ARHGEF3: variants seen among roughly 807,000 people sequenced by gnomAD.
ARHGEF3 encodes the protein Rho guanine nucleotide exchange factor 3, also known as 59.8 kDA protein.
Under a neutral mutation model 63.2 loss-of-function variants are expected in ARHGEF3, and 28 were observed. That is an observed-to-expected ratio of 0.44 (90% confidence interval 0.33 to 0.61). ARHGEF3 has a LOEUF of 0.61. ARHGEF3 is among the 20% of genes least tolerant of loss of function. The pLI, the probability that ARHGEF3 is intolerant of heterozygous loss-of-function variation, is 0.03. For synonymous variants in ARHGEF3, 266 were observed against 254.2 expected (o/e 1.05, Z -0.44); for missense variants, 533 against 659.3 (o/e 0.81, Z 2.10).
intron 2 of ARHGEF3, among the ~76,000 whole-genome samples, chr3:56,964,592 T>C (rs1700413750): frequency 1.3e-5 from 2 of 152,194 alleles, no homozygotes; most frequent in African/African-American, 2.4e-5. Context: ...AGATCAGCAG[T>C]GGACAAGAAA....
At chr3:56,884,712 C>T (rs1432685277) in intron 3 of ARHGEF3, among the ~76,000 whole-genome samples, 1 of 152,230 alleles carries the variant, frequency 6.6e-6, no homozygotes. Flanking sequence ...GGCACAGCTG[C>T]CGTTTTTGAG....
intron 1 of ARHGEF3, among the ~76,000 whole-genome samples, chr3:57,065,002 T>C (rs190765373): frequency 1.3e-5 from 2 of 152,354 alleles, no homozygotes; most frequent in African/African-American, 2.4e-5. Flanking sequence ...AGAAAATTAT[T>C]TCAAAAAGTT....
chr3:56,860,049 T>C (rs1174002871), intron 4 of ARHGEF3, among the ~76,000 whole-genome samples: 7 of 151,392 alleles, frequency 4.6e-5, no homozygotes, highest in Non-Finnish European at 7.4e-5. Context: ...GAGAGATAGA[T>C]AGATAGATAG....
rs1199937697 is a variant in ARHGEF3 at position 56,745,322 on chromosome 3, A to G, written c.753T>C (p.Asp251=). ...CLESPFSRKL[D]LWNFLDIPRS... is the part of the protein sequence containing the mutation. ...TTGGAATATCGAGGAAATTCCAGAG[A>G]TCTAGTTTGCGGCTAAAGGGGGATT... The change falls in exon 7 of 10, where the codon GAT becomes GAC. Residue 251 remains aspartate (D), a synonymous_variant. Transcript: ENST00000296315. 1 of 1,613,918 alleles carries G rather than the reference A, an allele frequency of 6.2e-7. No homozygotes were observed. The highest frequency in any genetic ancestry group is 1.3e-5 in the African/African-American group (1 of 74,868).
At position 56,737,239 on chromosome 3, in the gene ARHGEF3, G is replaced by A. The variant is rs752342971; in HGVS notation, c.987C>T (p.Ile329=). ...YLEEGQKDSL[I]DSSRVLCCHG... is the part of the protein sequence containing the mutation. ...GACAACACAAGACTCGAGAGCTGTC[G>A]ATCAGGGAGTCTTTCTGGCCTTCTT... is the stretch of plus-strand genomic sequence containing the variant. The change falls in exon 8 of 10, where the codon ATC becomes ATT. Residue 329 remains isoleucine (I), a synonymous_variant. Coordinates refer to ENST00000296315, the MANE Select transcript of ARHGEF3 (RefSeq NM_019555.3). The A allele has an allele frequency of 2.3e-5, 37 of 1,614,048 alleles. No individual in the cohort carries two copies. Among genetic ancestry groups the A allele is most frequent in the Admixed American group, 3.3e-5 (2 of 60,022 alleles).
rs143545082 is a variant in ARHGEF3 at position 56,976,761 on chromosome 3, C to G, written c.63-17872G>C. Among the ~76,000 whole-genome samples, 424 of 152,236 alleles carry G rather than the reference C, an allele frequency of 2.8e-3. 3 individuals are homozygous for G. The highest frequency in any genetic ancestry group is 9.7e-3 in the African/African-American group (401 of 41,534). ...CAGTGACTGGGGCCACACATAAAAA[C>G]ATGTTTATTCCCAAACTGTCAGTGA... On this transcript the variant is annotated intron_variant, in intron 2 of 12. Coordinates refer to the ARHGEF3 transcript ENST00000338458.
chr3:56,900,902 C>A (rs1374261997), intron 3 of ARHGEF3, among the ~76,000 whole-genome samples: 1 of 152,156 alleles, frequency 6.6e-6, no homozygotes, highest in African/African-American at 2.4e-5. Context: ...CTTTCCCAGT[C>A]TGGATCTCAG....
chr3:57,002,311 G>T lies in ARHGEF3; in HGVS notation c.62+32777C>A, dbSNP rs1001682174. Reference sequence around the variant, plus strand: ...AGCAGTCAGAAGAACCAAATTGGAAGATGGAATATGCATTCACACAATTTC... The same window carrying T: ...AGCAGTCAGAAGAACCAAATTGGAATATGGAATATGCATTCACACAATTTC... On this transcript the variant is annotated intron_variant, in intron 2 of 12. Coordinates refer to the ARHGEF3 transcript ENST00000338458. 5.3e-5 allele frequency among the ~76,000 whole-genome samples: 8 copies of T among 150,312 alleles called. No individual in the cohort carries two copies. The East Asian group carries it at 7.8e-4, about 15-fold the overall frequency.
chr3:57,018,898 G>A (rs1373613028), intron 2 of ARHGEF3, among the ~76,000 whole-genome samples: 1 of 151,996 alleles, frequency 6.6e-6, no homozygotes, highest in Non-Finnish European at 1.5e-5. Context: ...AAACAAAGAA[G>A]GAATTTGAAG....
At chr3:56,797,671 A>G (rs953708118) in intron 1 of ARHGEF3, among the ~76,000 whole-genome samples, 3 of 152,232 alleles carry the variant, frequency 2.0e-5, no homozygotes, top group African/African-American at 7.2e-5. Flanking sequence ...CCCGAGGTGC[A>G]TACAATTTTA....
At chr3:56,919,182 A>T (rs1412782918) in intron 3 of ARHGEF3, among the ~76,000 whole-genome samples, 1 of 152,200 alleles carries the variant, frequency 6.6e-6, no homozygotes, top group Non-Finnish European at 1.5e-5. Context: ...TTTTCAATAG[A>T]AGCCTGAAAT....
chr3:57,040,087 C>A (rs1447301515), intron 1 of ARHGEF3, among the ~76,000 whole-genome samples: 1 of 152,134 alleles, frequency 6.6e-6, no homozygotes, highest in African/African-American at 2.4e-5. Flanking sequence ...GGATGACCTA[C>A]AACCACATGC....
chr3:56,916,743 A>C (rs1265466978), intron 3 of ARHGEF3, among the ~76,000 whole-genome samples: 1 of 152,190 alleles, frequency 6.6e-6, no homozygotes, highest in Non-Finnish European at 1.5e-5. Context: ...ACTGGGGTGA[A>C]ATAGAAAATA....
chr3:56,758,892 AAC>A (rs2035256077), intron 2 of ARHGEF3, among the ~76,000 whole-genome samples: 2 of 152,200 alleles, frequency 1.3e-5, no homozygotes, highest in Non-Finnish European at 2.9e-5. Context: ...AAAGAAAGGA[AAC>A]ACACACAAAA....
At chr3:56,993,819 G>A (rs1307771920) in intron 2 of ARHGEF3, among the ~76,000 whole-genome samples, 1 of 150,718 alleles carries the variant, frequency 6.6e-6, no homozygotes, top group African/African-American at 2.4e-5. Context: ...TGTAATCCCA[G>A]CACTTTGGGA....
At chr3:56,752,082 CTTTTTTTTTT>C (rs11328785) in intron 4 of ARHGEF3, among the ~76,000 whole-genome samples, 1 of 148,050 alleles carries the variant, frequency 6.8e-6, no homozygotes, top group Non-Finnish European at 1.5e-5. Context: ...ATATTTTTTT[CTTTTTTTTTT>C]TGTACTTTTT....
chr3:56,795,896 C>G (rs2037335823), intron 1 of ARHGEF3, among the ~76,000 whole-genome samples: 1 of 151,770 alleles, frequency 6.6e-6, no homozygotes, highest in South Asian at 2.1e-4. Flanking sequence ...CCTCAGCCTC[C>G]AAGTGCTAGG....
intron 2 of ARHGEF3, among the ~76,000 whole-genome samples, chr3:56,999,299 C>G (rs1702103266): frequency 6.6e-6 from 1 of 152,158 alleles, no homozygotes; most frequent in Non-Finnish European, 1.5e-5. Flanking sequence ...GATCCGCCCA[C>G]CTCGGCCTCC....
At chr3:56,895,111 G>A (rs2041255399) in intron 3 of ARHGEF3, among the ~76,000 whole-genome samples, 1 of 152,104 alleles carries the variant, frequency 6.6e-6, no homozygotes. Context: ...TGTAATTTGG[G>A]GTTGTGGTGA....
Sources: allele counts gnomAD v4.1 joint callset (sites outside exome capture counted in the v4.1 genomes callset), GRCh38; gene constraint gnomAD v4.1.1; transcripts MANE v1.5; gene names NCBI Gene and HGNC (gene_info 2026-07-23, HGNC 2026-07-21).